Variants in PPP1R1C observed in about 807,000 individuals in gnomAD.
PPP1R1C encodes the protein protein phosphatase 1 regulatory subunit 1C.
A neutral mutation model predicts 17.4 loss-of-function variants in PPP1R1C; 15 were observed. The observed-to-expected ratio is 0.86, with a 90% confidence interval of 0.58 to 1.33. The LOEUF (loss-of-function observed/expected upper bound fraction) is 1.33, where lower values mean the gene tolerates loss of function less well. Among genes scored for constraint, PPP1R1C ranks in the 40% most tolerant of loss-of-function variants. The pLI, the probability that PPP1R1C is intolerant of heterozygous loss-of-function variation, is 0.00. For missense variants in PPP1R1C, 143 were observed against 130.0 expected (o/e 1.10, Z -0.48); for synonymous variants, 35 against 43.1 (o/e 0.81, Z 0.73).
intron 4 of PPP1R1C, among the ~76,000 whole-genome samples, chr2:182,078,056 T>G (rs1263580976): frequency 1.3e-5 from 2 of 152,060 alleles, no homozygotes; most frequent in Non-Finnish European, 2.9e-5. Flanking sequence ...GGCGCACACC[T>G]GTTGTCCCAG....
At chr2:182,032,290 A>C (rs1686868661) in intron 2 of PPP1R1C, among the ~76,000 whole-genome samples, 1 of 152,084 alleles carries the variant, frequency 6.6e-6, no homozygotes, top group Non-Finnish European at 1.5e-5. Flanking sequence ...TAACTTTTTC[A>C]CCTCTTTCAA....
chr2:181,991,662 G>A (rs551729178), intron 2 of PPP1R1C, among the ~76,000 whole-genome samples: 107 of 152,226 alleles, frequency 7.0e-4, no homozygotes, highest in Non-Finnish European at 1.3e-3. Context: ...CCTATATTTC[G>A]TCTTTTTCAA....
downstream of PPP1R1C, chr2:182,130,065 T>C (rs1689971718): frequency 6.6e-6 from 1 of 152,184 alleles, no homozygotes; most frequent in Admixed American, 6.5e-5. Context: ...CTTTATCATG[T>C]AAAATGAGAG....
In PPP1R1C at chr2:181,957,225, T is replaced by A. The variant is rs1312139731; in HGVS notation, n.111+2591T>A. Among the ~76,000 whole-genome samples, 1 of 152,048 alleles carries A rather than the reference T, an allele frequency of 6.6e-6. No individual in the cohort carries two copies. Among genetic ancestry groups the A allele is most frequent in the Non-Finnish European group, 1.5e-5 (1 of 67,996 alleles). ...AAATACAAAAATTAGCCAGGCATGG[T>A]AGTGCACCCCTGTAATCCCAGCTAT... On this transcript the variant is annotated intron_variant and non_coding_transcript_variant, in intron 1 of 5. Transcript: ENST00000464264. This position sits in a 1 kb window ranked among gnomAD's most constrained non-coding sequence, Gnocchi z 4.2.
chr2:182,013,612 A>T (rs1686154812), intron 2 of PPP1R1C, among the ~76,000 whole-genome samples: 1 of 152,052 alleles, frequency 6.6e-6, no homozygotes, highest in Non-Finnish European at 1.5e-5. Flanking sequence ...ACTTTGAATA[A>T]ACTTTCTATA....
At chr2:182,015,651 T>TC (rs772993208) in intron 2 of PPP1R1C, among the ~76,000 whole-genome samples, 20 of 152,222 alleles carry the variant, frequency 1.3e-4, no homozygotes, top group Non-Finnish European at 2.6e-4. Flanking sequence ...ACTGCTTCCT[T>TC]CCCTTCAAGG....
At chr2:181,993,840 G>T (rs1416846864) in intron 2 of PPP1R1C, among the ~76,000 whole-genome samples, 2 of 151,984 alleles carry the variant, frequency 1.3e-5, no homozygotes. Flanking sequence ...GTTCTTGATA[G>T]TGACAAGGCT....
chr2:182,026,000 A>T (rs1686597671), intron 2 of PPP1R1C, among the ~76,000 whole-genome samples: 2 of 136,530 alleles, frequency 1.5e-5, no homozygotes, highest in African/African-American at 5.9e-5. Context: ...GGCTGCATAA[A>T]TGTCTTCTTT....
intron 2 of PPP1R1C, among the ~76,000 whole-genome samples, chr2:182,014,622 C>T (rs762503425): frequency 1.3e-4 from 20 of 151,870 alleles, no homozygotes; most frequent in Non-Finnish European, 2.2e-4. Flanking sequence ...ATGTCCTTCC[C>T]TTCACAGCGG....
intron 4 of PPP1R1C, among the ~76,000 whole-genome samples, chr2:182,070,659 A>T (rs1250741308): frequency 1.3e-5 from 2 of 152,220 alleles, no homozygotes; most frequent in African/African-American, 4.8e-5. Flanking sequence ...CACAGTTATA[A>T]TTGGTAAATC....
chr2:182,045,582 A>G (rs1019056614), intron 2 of PPP1R1C, among the ~76,000 whole-genome samples: 5 of 152,116 alleles, frequency 3.3e-5, no homozygotes, highest in African/African-American at 9.7e-5. Flanking sequence ...TTTTCCATCT[A>G]TAACTAAAAA....
intron 4 of PPP1R1C, among the ~76,000 whole-genome samples, chr2:182,082,865 C>T (rs906512283): frequency 7.9e-5 from 12 of 152,060 alleles, no homozygotes; most frequent in Non-Finnish European, 1.5e-4. Flanking sequence ...CAAAAAGGTA[C>T]CTGTTGGGAA....
chr2:182,044,434 C>T (rs1171107547), intron 2 of PPP1R1C, among the ~76,000 whole-genome samples: 2 of 152,108 alleles, frequency 1.3e-5, no homozygotes, highest in Non-Finnish European at 2.9e-5. Context: ...TCTCTCACAC[C>T]TCAGGGAGAT....
At chr2:182,059,211 T>C (rs1020768970) in intron 2 of PPP1R1C, among the ~76,000 whole-genome samples, 1 of 152,146 alleles carries the variant, frequency 6.6e-6, no homozygotes, top group East Asian at 1.9e-4. Flanking sequence ...AAATTTCTTC[T>C]TTCAGACTAA....
upstream of PPP1R1C, among the ~76,000 whole-genome samples, chr2:181,980,890 A>C (rs1408530676): frequency 1.3e-5 from 2 of 152,178 alleles, no homozygotes; most frequent in African/African-American, 4.8e-5. Context: ...GAGTTAGTGA[A>C]GATGAGAACA....
intron 2 of PPP1R1C, among the ~76,000 whole-genome samples, chr2:182,026,723 G>A (rs1686625744): frequency 6.6e-6 from 1 of 152,086 alleles, no homozygotes; most frequent in Non-Finnish European, 1.5e-5. Flanking sequence ...GAACTTTAAA[G>A]TAGTTTTTTA....
chr2:181,972,342 A>C (rs1685025220), intron 1 of PPP1R1C, among the ~76,000 whole-genome samples: 1 of 152,366 alleles, frequency 6.6e-6, no homozygotes, highest in South Asian at 2.1e-4. Flanking sequence ...TGTACGAAAA[A>C]TGGCGAACAA....
intron 1 of PPP1R1C, 23 bp from the exon 2 acceptor site, chr2:181,987,815 TA>T (rs1685347327): frequency 6.2e-7 from 1 of 1,612,596 alleles, no homozygotes; most frequent in Non-Finnish European, 8.5e-7. Context: ...TCACTGATAT[TA>T]GCTGGGCTTT....
intron 2 of PPP1R1C, among the ~76,000 whole-genome samples, chr2:182,054,519 A>T (rs1420643191): frequency 6.6e-6 from 1 of 152,190 alleles, no homozygotes; most frequent in African/African-American, 2.4e-5. Context: ...AATGTCATTC[A>T]AGAATGTTAT....
Sources: gnomAD v4.1 joint callset for allele counts (sites outside exome capture counted in the v4.1 genomes callset) on GRCh38, gnomAD v4.1.1 for gene constraint, Gnocchi (gnomAD v3.1) non-coding constraint, MANE v1.5 for transcripts, NCBI Gene and HGNC (gene_info 2026-07-23, HGNC 2026-07-21) for gene names.